The following ATP8B4 variants were observed in gnomAD, a reference collection of about 807,000 sequenced individuals.
ATP8B4 encodes the protein ATPase phospholipid transporting 8B4 (putative).
ATP8B4 carries 133 observed loss-of-function variants against 145.6 expected under a neutral mutation model. That is an observed-to-expected ratio of 0.91 (90% CI 0.79 to 1.05). ATP8B4 has a LOEUF of 1.05. Ranked by LOEUF, ATP8B4 falls within the 50% of genes least tolerant of loss-of-function variation. The pLI, the probability that ATP8B4 is intolerant of heterozygous loss-of-function variation, is 0.00. For missense variants in ATP8B4, 1,458 were observed against 1,425.2 expected, an observed-to-expected ratio of 1.02 and a Z score of -0.37; for synonymous variants, 507 against 492.9, an observed-to-expected ratio of 1.03 and a Z score of -0.38.
upstream of ATP8B4, among the ~76,000 whole-genome samples, chr15:50,122,693 A>C (rs2153678108): frequency 6.6e-6 from 1 of 152,266 alleles, no homozygotes; most frequent in South Asian, 2.1e-4. Context: ...AAATCAGAAC[A>C]AAGTATTTCA....
chr15:50,087,175 TAATA>T (rs1218515991), intron 2 of ATP8B4, among the ~76,000 whole-genome samples: 10 of 128,500 alleles, frequency 7.8e-5, no homozygotes, highest in African/African-American at 2.7e-4. Flanking sequence ...CTATTATATA[TAATA>T]AATAGATCTC....
Position 49,876,170 on chromosome 15 carries a change from T to TGG in ATP8B4, c.3027+107_3027+108insCC, listed in dbSNP as rs1303310066. On this transcript the variant is annotated intron_variant, in intron 25 of 27. Transcript: ENST00000284509. ...TGTGTACTTAAAAGGACAGCCCCAG[T>TGG]ATTCCTTTAGGATTATTTCCCCCCA... The TGG allele has an allele frequency of 8.5e-6, 12 of 1,413,618 alleles. No individual in the cohort carries two copies. In the East Asian group the frequency reaches 1.6e-4, roughly 19 times the overall value. The allele number at this position is 1,413,618 out of a possible 1,614,324, so 87.6% of individuals were successfully genotyped here. A position where few individuals can be genotyped will look rare whatever the true frequency, so the allele number is the denominator to read the frequency against.
rs1275840712 is a variant in ATP8B4 at position 50,156,056 on chromosome 15, T to TAATAAATA, written c.-43+26197_-43+26204dup. On this transcript the variant is annotated intron_variant, in intron 1 of 3. Transcript: ENST00000558829. ...TCTCCTAATAGCCCTGAATTCTTGGTAATAAATAAATAAATAAATATATAT... is the reference window on the plus strand; with the variant it reads ...TCTCCTAATAGCCCTGAATTCTTGGTAATAAATAAATAAATAAATAAATAAATATATAT... Among the ~76,000 whole-genome samples the TAATAAATA allele has an allele frequency of 5.8e-5, 5 of 86,034 alleles. No homozygotes were observed. The South Asian group carries it at 1.2e-3, about 20-fold the overall frequency. The allele number at this position is 86,034 out of a possible 152,430, so 56.4% of individuals were successfully genotyped here.
At chr15:50,152,522 C>T (rs1373528310) in intron 1 of ATP8B4, among the ~76,000 whole-genome samples, 1 of 152,074 alleles carries the variant, frequency 6.6e-6, no homozygotes, top group East Asian at 1.9e-4. Flanking sequence ...TATTTAATAT[C>T]TCTACAAGAT....
chr15:50,085,962 T>A (rs1160209295), intron 2 of ATP8B4, among the ~76,000 whole-genome samples: 278 of 54,798 alleles, frequency 5.1e-3, no homozygotes, highest in Non-Finnish European at 7.4e-3. Context: ...ATCATATATA[T>A]TTATATATGA....
intron 21 of ATP8B4, among the ~76,000 whole-genome samples, chr15:49,900,597 T>C (rs2037913973): frequency 6.6e-6 from 1 of 152,200 alleles, no homozygotes; most frequent in Non-Finnish European, 1.5e-5. Context: ...CAAAGCAAAT[T>C]GTTTGGCATT....
At chr15:49,913,656 A>G (rs535684474) in intron 20 of ATP8B4, among the ~76,000 whole-genome samples, 2 of 152,346 alleles carry the variant, frequency 1.3e-5, no homozygotes, top group African/African-American at 4.8e-5. Flanking sequence ...TAGAACTGAT[A>G]ACCAAATTCA....
At chr15:50,018,742 G>A (rs2049298614) in intron 6 of ATP8B4, 1 of 343,934 alleles carries the variant, frequency 2.9e-6, no homozygotes, top group Non-Finnish European at 5.6e-6. Context: ...AAAACTATAT[G>A]CCTGGACTGT....
intron 25 of ATP8B4, among the ~76,000 whole-genome samples, chr15:49,866,922 C>A (rs916677088): frequency 6.6e-6 from 1 of 152,188 alleles, no homozygotes; most frequent in South Asian, 2.1e-4. Flanking sequence ...CATTTTTACA[C>A]ATGCATGATC....
intron 14 of ATP8B4, among the ~76,000 whole-genome samples, chr15:49,948,683 A>G (rs2042794152): frequency 6.6e-6 from 1 of 152,140 alleles, no homozygotes; most frequent in African/African-American, 2.4e-5. Context: ...CGTTCCTTGT[A>G]AATTATGGAT....
At chr15:50,147,918 G>A (rs771907780) in intron 1 of ATP8B4, among the ~76,000 whole-genome samples, 1 of 152,114 alleles carries the variant, frequency 6.6e-6, no homozygotes, top group African/African-American at 2.4e-5. Flanking sequence ...GGGAAATTGG[G>A]GCGTAAAAGA....
chr15:49,895,252 G>T (rs1421934524), intron 23 of ATP8B4: 1 of 152,268 alleles, frequency 6.6e-6, no homozygotes, highest in Non-Finnish European at 1.5e-5. Context: ...TCTGGTCTGG[G>T]TTCAAGGAAG....
chr15:50,045,422 G>A lies in ATP8B4; in HGVS notation c.202-730C>T, dbSNP rs139179243. On this transcript the variant is annotated intron_variant, in intron 4 of 27. Transcript: ENST00000284509. Reference sequence around the variant, plus strand: ...TACCTCCAAAGCCACCCACATAAGAGAGACATAGTGACAGTGGACATAAAT... The same window carrying A: ...TACCTCCAAAGCCACCCACATAAGAAAGACATAGTGACAGTGGACATAAAT... Among the ~76,000 whole-genome samples the A allele has an allele frequency of 3.6e-3, 550 of 152,238 alleles. 1 individual carries two copies. Among genetic ancestry groups the A allele is most frequent in the African/African-American group, 0.013 (530 of 41,518 alleles).
chr15:49,870,352 T>C (rs1318791516), intron 25 of ATP8B4, among the ~76,000 whole-genome samples: 1 of 152,218 alleles, frequency 6.6e-6, no homozygotes, highest in African/African-American at 2.4e-5. Flanking sequence ...GTCATCATCA[T>C]AGTAGTTAAA....
intron 1 of ATP8B4, among the ~76,000 whole-genome samples, chr15:50,139,403 A>T (rs1165026638): frequency 2.6e-5 from 4 of 151,804 alleles, no homozygotes; most frequent in African/African-American, 9.7e-5. Flanking sequence ...ACATGGACAC[A>T]GGGAGGGGAA....
chr15:50,113,096 G>A (rs1171681649), intron 1 of ATP8B4: 1 of 152,520 alleles, frequency 6.6e-6, no homozygotes, highest in East Asian at 1.9e-4. Context: ...GGTTCCCAGA[G>A]CCTGAAGAGC....
chr15:49,988,049 T>C (rs1023037085), intron 9 of ATP8B4, among the ~76,000 whole-genome samples: 3 of 152,200 alleles, frequency 2.0e-5, no homozygotes, highest in Non-Finnish European at 4.4e-5. Flanking sequence ...GAAAGAAACC[T>C]GGGCCTTGTT....
intron 1 of ATP8B4, among the ~76,000 whole-genome samples, chr15:50,115,251 A>T (rs2153674491): frequency 6.6e-6 from 1 of 152,160 alleles, no homozygotes; most frequent in South Asian, 2.1e-4. Context: ...TGGGAGGACC[A>T]CTTGAGCCCA....
chr15:50,051,420 T>C (rs2052177156), intron 3 of ATP8B4, among the ~76,000 whole-genome samples: 1 of 152,170 alleles, frequency 6.6e-6, no homozygotes, highest in Non-Finnish European at 1.5e-5. Context: ...AATCAAGGTG[T>C]CCAGTTTTGT....
Sources: gnomAD v4.1 joint callset for allele counts (sites outside exome capture counted in the v4.1 genomes callset) on GRCh38, gnomAD v4.1.1 for gene constraint, MANE v1.5 for transcripts, NCBI Gene and HGNC (gene_info 2026-07-23, HGNC 2026-07-21) for gene names.